Variants in ARFGEF3 observed in about 807,000 individuals in gnomAD.
ARFGEF3 encodes the protein ARFGEF family member 3.
In ARFGEF3, 96 loss-of-function variants were observed where a neutral mutation model predicts 221.7. The observed-to-expected ratio is 0.43, with a 90% CI of 0.37 to 0.51. The LOEUF is 0.51. ARFGEF3 is among the 20% of genes least tolerant of loss of function. The pLI, the probability that ARFGEF3 is intolerant of heterozygous loss-of-function variation, is 0.00. For missense variants in ARFGEF3, 2,410 were observed against 2,789.9 expected, an observed-to-expected ratio of 0.86 and a Z score of 3.07; for synonymous variants, 1,145 against 1,126.8, an observed-to-expected ratio of 1.02 and a Z score of -0.32.
In ARFGEF3 at chr6:138,291,935, A is replaced by C; in HGVS notation, c.3250A>C (p.Ile1084Leu). 6.6e-7 allele frequency: 1 copy of C among 1,519,460 alleles called. No individual in the cohort carries two copies. The highest frequency in any genetic ancestry group is 1.4e-5 in the African/African-American group (1 of 70,906). 94.1% of individuals were successfully genotyped at this position (1,519,460 alleles called of 1,614,324 possible). The change falls in exon 19 of 34, where the codon ATC becomes CTC. Residue 1084 changes from isoleucine to leucine, a missense_variant. Coordinates refer to ENST00000251691, the MANE Select transcript of ARFGEF3 (RefSeq NM_020340.5). This position sits in a 1 kb window ranked among gnomAD's most constrained non-coding sequence, Gnocchi z 4.5. ...STAPVVQPLS[I>L]QDLVREGSRG... is the part of the protein sequence containing the mutation. ...GGCCCCTGTCGTCCAGCCCCTGTCC[A>C]TCCAGGACCTCGTCCGGGAAGGCAG...
At chr6:138,231,232 C>T (rs1480778280) in intron 5 of ARFGEF3, among the ~76,000 whole-genome samples, 1 of 152,014 alleles carries the variant, frequency 6.6e-6, no homozygotes, top group Non-Finnish European at 1.5e-5. Context: ...TATCTGGAAG[C>T]CAAAATAAAA....
At chr6:138,241,853 C>G (rs1778398220) in intron 6 of ARFGEF3, among the ~76,000 whole-genome samples, 2 of 152,310 alleles carry the variant, frequency 1.3e-5, no homozygotes, top group Admixed American at 6.5e-5. Context: ...TATTATCCAG[C>G]TTTATTATTG....
chr6:138,172,466 C>G (rs1027940918), intron 2 of ARFGEF3, among the ~76,000 whole-genome samples: 1 of 152,138 alleles, frequency 6.6e-6, no homozygotes, highest in African/African-American at 2.4e-5. Flanking sequence ...GTACAGAGAT[C>G]TTGTTCCACC....
At chr6:138,325,668 AC>A (rs1780113927) in intron 31 of ARFGEF3, among the ~76,000 whole-genome samples, 1 of 152,246 alleles carries the variant, frequency 6.6e-6, no homozygotes, top group African/African-American at 2.4e-5. Context: ...TGCAGTTGTT[AC>A]GTCTGGCTAA....
chr6:138,306,993 A>G (rs1312799774), intron 22 of ARFGEF3, among the ~76,000 whole-genome samples: 1 of 151,948 alleles, frequency 6.6e-6, no homozygotes, highest in East Asian at 1.9e-4. Flanking sequence ...GAAGACATGA[A>G]CCCAATTTTT....
At chr6:138,189,726 T>G (rs1777259052) in intron 2 of ARFGEF3, among the ~76,000 whole-genome samples, 1 of 152,100 alleles carries the variant, frequency 6.6e-6, no homozygotes, top group Non-Finnish European at 1.5e-5. Context: ...TAACAATTGG[T>G]CAAAAATTAA....
chr6:138,243,919 T>G (rs1029655908), intron 7 of ARFGEF3, among the ~76,000 whole-genome samples: 1 of 152,184 alleles, frequency 6.6e-6, no homozygotes, highest in Non-Finnish European at 1.5e-5. Context: ...CCCTTTTCAG[T>G]TGGATGCTCT....
At chr6:138,302,059 T>C (rs1779638090) in intron 22 of ARFGEF3, among the ~76,000 whole-genome samples, 1 of 152,100 alleles carries the variant, frequency 6.6e-6, no homozygotes, top group Admixed American at 6.6e-5. Context: ...AAATGTCTAA[T>C]TCTCAAAAAT....
At chr6:138,261,774 T>C in intron 11 of ARFGEF3, 135 bp downstream of exon 11, 1 of 446,350 alleles carries the variant, frequency 2.2e-6, no homozygotes, top group Non-Finnish European at 4.0e-6. Flanking sequence ...ACCCACAAGC[T>C]ACATGAGAAG....
chr6:138,229,923 G>A, intron 5 of ARFGEF3, 71 bp downstream of exon 5: 1 of 1,266,270 alleles, frequency 7.9e-7, no homozygotes, highest in Non-Finnish European at 1.1e-6. Flanking sequence ...ATATTGGGGT[G>A]GAACTAAGCC....
At chr6:138,292,452 T>C (rs1279524552) in intron 19 of ARFGEF3, among the ~76,000 whole-genome samples, 2 of 152,242 alleles carry the variant, frequency 1.3e-5, no homozygotes, top group Middle Eastern at 3.2e-3. Flanking sequence ...AAAAATCCTC[T>C]ATTATGATTA....
intron 12 of ARFGEF3, among the ~76,000 whole-genome samples, chr6:138,265,190 A>G (rs1462012412): frequency 2.0e-5 from 3 of 152,198 alleles, no homozygotes; most frequent in Admixed American, 2.0e-4. Flanking sequence ...GGCATGAGCC[A>G]CTGCGCCCGG....
chr6:138,334,730 TC>T lies in ARFGEF3; in HGVS notation c.5886del (p.Glu1963ArgfsTer15). ...TGGFSGKETP[S>X]EDDRSQSREH... ...GGGCTTCTCTGGGAAAGAAACCCCT[TC>T]CGAGGATGACAGAAGCCAGTCCCGG... On this transcript the variant is annotated frameshift_variant, in exon 33 of 34. Coordinates refer to ENST00000251691, the MANE Select transcript of ARFGEF3 (RefSeq NM_020340.5). LOFTEE classifies it high-confidence loss of function. This position sits in a 1 kb window ranked among gnomAD's most constrained non-coding sequence, Gnocchi z 5.1. 4 of 1,609,280 alleles carry T rather than the reference TC, an allele frequency of 2.5e-6. No homozygotes were observed. The highest frequency in any genetic ancestry group is 3.4e-6 in the Non-Finnish European group (4 of 1,176,780).
intron 2 of ARFGEF3, among the ~76,000 whole-genome samples, chr6:138,172,337 A>G (rs1451672393): frequency 1.3e-5 from 2 of 152,206 alleles, no homozygotes; most frequent in Non-Finnish European, 2.9e-5. Flanking sequence ...ATTTGCTTCA[A>G]AACTGACGTT....
chr6:138,165,489 T>C (rs1776706355), intron 1 of ARFGEF3, among the ~76,000 whole-genome samples: 1 of 136,952 alleles, frequency 7.3e-6, no homozygotes. Flanking sequence ...AGAGAGGGGG[T>C]CATCCCCCTC....
intron 23 of ARFGEF3, among the ~76,000 whole-genome samples, chr6:138,308,040 C>A (rs1779758389): frequency 6.6e-6 from 1 of 152,216 alleles, no homozygotes; most frequent in African/African-American, 2.4e-5. Flanking sequence ...AGACATTCTT[C>A]CCCCAGCAGT....
rs770168554 is a variant in ARFGEF3, at chr6:138,263,558, A to G, written c.2075A>G (p.Asn692Ser). The G allele has an allele frequency of 7.4e-6, 12 of 1,612,372 alleles. No individual in the cohort carries two copies. Among genetic ancestry groups the G allele is most frequent in the Middle Eastern group, 1.6e-4 (1 of 6,084 alleles). Residue 692 changes from asparagine (N) to serine (S), a missense_variant, in exon 12 of 34, where the codon AAT (asparagine) becomes AGT (serine). By Grantham distance (46) the Asn-to-Ser change is conservative. Transcript: ENST00000251691. ...CTCCCTCGGCTCCTGTCTCTCTCCA[A>G]TGTAGAGGAGGTGGACACCGCTCTG... ...GLLPRLLSLS[N>S]VEEVDTALQN...
intron 12 of ARFGEF3, among the ~76,000 whole-genome samples, chr6:138,277,104 C>T (rs1346880749): frequency 6.6e-6 from 1 of 152,096 alleles, no homozygotes; most frequent in African/African-American, 2.4e-5. Context: ...CAAGCATTTC[C>T]AGAACTTTTT....
chr6:138,222,543 G>C (rs1474683622), intron 4 of ARFGEF3, among the ~76,000 whole-genome samples: 1 of 152,090 alleles, frequency 6.6e-6, no homozygotes, highest in Non-Finnish European at 1.5e-5. Flanking sequence ...GGGGAATGGG[G>C]GTATTGCCAC....
Sources: gnomAD v4.1 joint callset for allele counts (sites outside exome capture counted in the v4.1 genomes callset) on GRCh38, gnomAD v4.1.1 for gene constraint, Gnocchi (gnomAD v3.1) non-coding constraint, MANE v1.5 for transcripts, NCBI Gene and HGNC (gene_info 2026-07-23, HGNC 2026-07-21) for gene names.